PCDHA10: variants seen among roughly 807,000 people sequenced by gnomAD.
PCDHA10 encodes protocadherin alpha-10.
In PCDHA10, 45 loss-of-function variants were observed where a neutral mutation model predicts 61.2. The ratio of observed to expected loss-of-function variants is 0.74; its 90% confidence interval spans 0.58 to 0.94. The LOEUF (loss-of-function observed/expected upper bound fraction) is 0.94. PCDHA10 is among the 40% of genes least tolerant of loss of function. PCDHA10 has a pLI of 0.00. For synonymous variants in PCDHA10, 602 were observed against 548.8 expected, an observed-to-expected ratio of 1.10 and a Z score of -1.35; for missense variants, 1,278 against 1,236.2, an observed-to-expected ratio of 1.03 and a Z score of -0.51.
intron 1 of PCDHA10, chr5:140,881,444 A>C (rs2058716592): frequency 1.2e-6 from 1 of 800,270 alleles, no homozygotes; most frequent in African/African-American, 1.9e-5. Context: ...ATAAAAACAG[A>C]ATCCAAAACC....
intron 1 of PCDHA10, chr5:140,864,371 G>C (rs1005201982): frequency 6.6e-6 from 1 of 151,926 alleles, no homozygotes; most frequent in Non-Finnish European, 1.5e-5. Context: ...TTCTATAATC[G>C]ATAAGTTTAT....
rs1554168215 is a variant in PCDHA10, at chr5:140,876,039, T to A, written c.2388+17603T>A. 3 of 1,613,746 alleles carry A rather than the reference T, an allele frequency of 1.9e-6. No individual in the cohort carries two copies. Among genetic ancestry groups the A allele is most frequent in the South Asian group, 2.2e-5 (2 of 91,062 alleles). On this transcript the variant is annotated intron_variant, in intron 1 of 3. Transcript: ENST00000307360. ...AAATAAAAACAAAAAAAGATAAAAG[T>A]ATATTGCCTGAATTAGTTCTTCGGA...
chr5:140,904,911 G>A (rs2153487307), intron 1 of PCDHA10, among the ~76,000 whole-genome samples: 1 of 152,172 alleles, frequency 6.6e-6, no homozygotes, highest in African/African-American at 2.4e-5. Flanking sequence ...TTACTGATTT[G>A]TTTGACTTCC....
chr5:140,993,906 C>T (rs1245923228), intron 3 of PCDHA10, among the ~76,000 whole-genome samples: 1 of 152,088 alleles, frequency 6.6e-6, no homozygotes, highest in Non-Finnish European at 1.5e-5. Flanking sequence ...AACAAAAATG[C>T]CTAGTGATGC....
At chr5:140,967,784 C>G in intron 1 of PCDHA10, 1 of 1,614,174 alleles carries the variant, frequency 6.2e-7, no homozygotes, top group Non-Finnish European at 8.5e-7. Flanking sequence ...GGCGACTGAC[C>G]GGGGTCCAGT....
At chr5:140,867,507 C>G (rs190699676) in intron 1 of PCDHA10, 5 of 151,968 alleles carry the variant, frequency 3.3e-5, no homozygotes, top group Non-Finnish European at 7.4e-5. Flanking sequence ...AGAACAAAAT[C>G]TCAAATTAAT....
intron 1 of PCDHA10, chr5:140,883,164 A>G (rs559249411): frequency 1.2e-6 from 2 of 1,614,060 alleles, no homozygotes; most frequent in African/African-American, 1.3e-5. Context: ...AATCCGAACA[A>G]TGGAGAAATT....
At chr5:140,871,026 G>T in intron 1 of PCDHA10, 2 of 1,613,220 alleles carry the variant, frequency 1.2e-6, no homozygotes, top group Non-Finnish European at 1.7e-6. Context: ...AGGCAGACTC[G>T]CCGCGCCACC....
Position 140,907,311 on chromosome 5 carries a change from T to C in PCDHA10, c.2388+48875T>C, listed in dbSNP as rs534638330. Among the ~76,000 whole-genome samples the C allele has an allele frequency of 5.9e-5, 9 of 152,292 alleles. No individual in the cohort carries two copies. The East Asian group carries it at 1.7e-3, about 29-fold the overall frequency. On this transcript the variant is annotated intron_variant, in intron 1 of 3. Coordinates refer to ENST00000307360, the MANE Select transcript of PCDHA10 (RefSeq NM_018901.4). Reference sequence around the variant, plus strand: ...AGCTGCTTCAGGATGATGGGGAACATGTAAAGACCAGTGAATTCCATATGC... The same window carrying C: ...AGCTGCTTCAGGATGATGGGGAACACGTAAAGACCAGTGAATTCCATATGC...
At chr5:140,975,935 C>A (rs1351802479) in intron 1 of PCDHA10, among the ~76,000 whole-genome samples, 1 of 152,060 alleles carries the variant, frequency 6.6e-6, no homozygotes, top group Non-Finnish European at 1.5e-5. Flanking sequence ...ACCTTTGAAG[C>A]AATAGGACAT....
chr5:140,998,965 G>C (rs1320225650), intron 3 of PCDHA10, among the ~76,000 whole-genome samples: 1 of 152,232 alleles, frequency 6.6e-6, no homozygotes, highest in Non-Finnish European at 1.5e-5. Context: ...TAATCAAATA[G>C]TATCCTAGAA....
rs552832365 is a variant in PCDHA10, at chr5:140,928,668, T to C, written c.2389-50281T>C. ...TAGCAGAGGATGCTGACAGTGGTTC[T>C]AATGCCTGGCTTTCCTACCACATCT... is the stretch of plus-strand genomic sequence containing the variant. On this transcript the variant is annotated intron_variant, in intron 1 of 3. Transcript: ENST00000307360. The C allele has an allele frequency of 2.4e-4, 388 of 1,614,234 alleles. 3 individuals are homozygous for C. The South Asian group carries it at 4.0e-3, about 17-fold the overall frequency.
intron 1 of PCDHA10, among the ~76,000 whole-genome samples, chr5:140,951,543 C>A (rs246041): frequency 1.3e-5 from 2 of 151,428 alleles, no homozygotes; most frequent in South Asian, 2.1e-4. Flanking sequence ...GAGCAAGGGA[C>A]GGGGGGAAGT....
At chr5:140,967,588 A>G (rs782208520) in intron 1 of PCDHA10, 7 of 1,614,116 alleles carry the variant, frequency 4.3e-6, no homozygotes, top group Non-Finnish European at 5.1e-6. Flanking sequence ...CCCCAGGCAC[A>G]TTGGTGGTGA....
At chr5:140,919,510 T>G (rs750733245) in intron 1 of PCDHA10, among the ~76,000 whole-genome samples, 2 of 152,208 alleles carry the variant, frequency 1.3e-5, no homozygotes, top group Non-Finnish European at 2.9e-5. Context: ...TTTTTCTATA[T>G]GTTTTAATTC....
chr5:140,884,488 G>T, intron 1 of PCDHA10: 1 of 1,614,046 alleles, frequency 6.2e-7, no homozygotes, highest in East Asian at 2.2e-5. Context: ...CCACTCTAGT[G>T]TGCTCCAGCG....
intron 1 of PCDHA10, among the ~76,000 whole-genome samples, chr5:140,975,074 G>C (rs2096653166): frequency 1.3e-5 from 2 of 152,152 alleles, no homozygotes; most frequent in South Asian, 4.1e-4. Flanking sequence ...CATTCAGATT[G>C]TTGGCAGAAT....
chr5:140,875,765 G>T (rs1554167926), intron 1 of PCDHA10: 2 of 1,614,252 alleles, frequency 1.2e-6, no homozygotes, highest in Middle Eastern at 1.6e-4. Context: ...CTGTGCGGGC[G>T]GAGCGCGGAG....
In PCDHA10 at chr5:140,856,278, A is replaced by G. The variant is rs1428005980; in HGVS notation, c.230A>G (p.Asn77Ser). ...SKRHGDLLEV[N>S]LQNGILFVNS... is the part of the protein sequence containing the mutation. ...AGACACGGGGACCTTCTGGAGGTAAATCTGCAGAATGGCATTTTGTTTGTG... is the reference window on the plus strand; with the variant it reads ...AGACACGGGGACCTTCTGGAGGTAAGTCTGCAGAATGGCATTTTGTTTGTG... The change falls in exon 1 of 4, where the codon AAT (asparagine) becomes AGT (serine). Residue 77 changes from asparagine (N) to serine (S), a missense_variant. Coordinates refer to ENST00000307360, the MANE Select transcript of PCDHA10 (RefSeq NM_018901.4). The G allele has an allele frequency of 4.4e-6, 7 of 1,598,190 alleles. No homozygotes were observed. The highest frequency in any genetic ancestry group is 6.0e-6 in the Non-Finnish European group (7 of 1,167,976).
Sources: allele counts gnomAD v4.1 joint callset (sites outside exome capture counted in the v4.1 genomes callset), GRCh38; gene constraint gnomAD v4.1.1; transcripts MANE v1.5; gene names NCBI Gene and HGNC (gene_info 2026-07-23, HGNC 2026-07-21).